The following DCC variants were observed in gnomAD, a reference collection of about 807,000 sequenced individuals.
DCC encodes DCC netrin 1 receptor.
In DCC, 58 loss-of-function variants were observed where a neutral mutation model predicts 172.5. That is an observed-to-expected ratio of 0.34 (90% CI 0.27 to 0.42). The LOEUF (loss-of-function observed/expected upper bound fraction) is 0.42. Ranked by LOEUF, DCC falls within the 10% of genes least tolerant of loss-of-function variation. DCC has a pLI of 1.00. For missense variants in DCC, 1,740 were observed against 1,791.0 expected (o/e 0.97, Z 0.51); for synonymous variants, 709 against 644.5 (o/e 1.10, Z -1.52).
At chr18:53,178,264 T>C (rs1404263414) in intron 8 of DCC, among the ~76,000 whole-genome samples, 2 of 152,210 alleles carry the variant, frequency 1.3e-5, no homozygotes, top group Non-Finnish European at 2.9e-5. Flanking sequence ...GCACTATAAA[T>C]GCAACCATGA....
chr18:52,541,694 A>G (rs948467609), intron 1 of DCC, among the ~76,000 whole-genome samples: 1 of 151,898 alleles, frequency 6.6e-6, no homozygotes, highest in Non-Finnish European at 1.5e-5. Context: ...AAGAAGCAGG[A>G]CTTGGCTTTT....
chr18:53,308,184 A>G (rs766747163), intron 13 of DCC, among the ~76,000 whole-genome samples: 8 of 151,624 alleles, frequency 5.3e-5, no homozygotes, highest in Non-Finnish European at 1.0e-4. Flanking sequence ...ACTCAGACAC[A>G]GTTGTATCTT....
intron 2 of DCC, among the ~76,000 whole-genome samples, chr18:52,855,841 C>A (rs2039045156): frequency 6.8e-6 from 1 of 147,380 alleles, no homozygotes; most frequent in Non-Finnish European, 1.5e-5. Context: ...TTTCGGCTCA[C>A]TGCAACCTCT....
intron 2 of DCC, among the ~76,000 whole-genome samples, chr18:52,888,080 T>G (rs2039594530): frequency 6.6e-6 from 1 of 152,222 alleles, no homozygotes; most frequent in African/African-American, 2.4e-5. Flanking sequence ...AAATCTCCTG[T>G]CCTTTGTTTT....
intron 7 of DCC, among the ~76,000 whole-genome samples, chr18:53,131,877 G>T (rs906507025): frequency 1.3e-5 from 2 of 148,862 alleles, no homozygotes; most frequent in African/African-American, 4.9e-5. Context: ...ATAAATCGGT[G>T]CAAATCAAAA....
intron 15 of DCC, among the ~76,000 whole-genome samples, chr18:53,369,376 T>G (rs1456839739): frequency 6.6e-6 from 1 of 151,916 alleles, no homozygotes; most frequent in African/African-American, 2.4e-5. Context: ...ACTGAAAAGT[T>G]ATATTTGCAA....
chr18:53,336,008 G>A (rs527238704), intron 14 of DCC, among the ~76,000 whole-genome samples: 3 of 152,092 alleles, frequency 2.0e-5, no homozygotes, highest in South Asian at 2.1e-4. Flanking sequence ...CCCACAACAC[G>A]TAGGAATTGT....
intron 3 of DCC, among the ~76,000 whole-genome samples, chr18:52,921,104 A>G (rs2040117507): frequency 6.6e-6 from 1 of 150,976 alleles, no homozygotes; most frequent in Non-Finnish European, 1.5e-5. Flanking sequence ...TAATACATAT[A>G]TATGACATGC....
intron 1 of DCC, among the ~76,000 whole-genome samples, chr18:52,738,258 G>A (rs1158412838): frequency 1.3e-5 from 2 of 152,132 alleles, no homozygotes; most frequent in Non-Finnish European, 2.9e-5. Context: ...TCTGAGAAAT[G>A]TATAGTTAGG....
At chr18:52,856,766 G>A (rs962040943) in intron 2 of DCC, among the ~76,000 whole-genome samples, 9 of 151,920 alleles carry the variant, frequency 5.9e-5, no homozygotes, top group Admixed American at 1.3e-4. Flanking sequence ...TGAAAAGCAT[G>A]TTAATAGCTT....
At chr18:53,517,707 T>G (rs553405789) in intron 27 of DCC, among the ~76,000 whole-genome samples, 1 of 152,030 alleles carries the variant, frequency 6.6e-6, no homozygotes, top group East Asian at 1.9e-4. Context: ...AGTGGTCAAA[T>G]AGGCTGTTTC....
chr18:52,666,468 T>C (rs1467371802), intron 1 of DCC, among the ~76,000 whole-genome samples: 1 of 152,206 alleles, frequency 6.6e-6, no homozygotes, highest in Non-Finnish European at 1.5e-5. Context: ...CTCTCTTAAA[T>C]AATTTGCTTT....
At position 52,411,220 on chromosome 18, in the gene DCC, G is replaced by A. The variant is rs142667204; in HGVS notation, c.91+70342G>A. Among the ~76,000 whole-genome samples the A allele has an allele frequency of 2.3e-3, 355 of 152,220 alleles. 5 individuals carry two copies. Among genetic ancestry groups the A allele is most frequent in the South Asian group, 0.017 (84 of 4,818 alleles). On this transcript the variant is annotated intron_variant, in intron 1 of 28. Coordinates refer to ENST00000442544, the MANE Select transcript of DCC (RefSeq NM_005215.4). ...AAGGCAGCTCCCTCAGATCTCTTCA[G>A]GATGACTTCCCAGTTAGTTTCAATT...
intron 12 of DCC, among the ~76,000 whole-genome samples, chr18:53,284,572 T>C (rs1398854542): frequency 4.6e-5 from 7 of 152,182 alleles, no homozygotes; most frequent in Non-Finnish European, 1.0e-4. Context: ...CTCTTTCTTT[T>C]GTAAATTGCC....
intron 12 of DCC, among the ~76,000 whole-genome samples, chr18:53,230,519 T>C (rs2056104564): frequency 6.6e-6 from 1 of 152,070 alleles, no homozygotes. Context: ...TTAATTTTCT[T>C]GATTCATTTA....
rs1568198430 is a variant in DCC at position 52,497,279 on chromosome 18, A to T, written c.91+156401A>T. Among the ~76,000 whole-genome samples, 336 of 38,102 alleles carry T rather than the reference A, an allele frequency of 8.8e-3. 19 individuals are homozygous for T. The highest frequency in any genetic ancestry group is 0.015 in the Middle Eastern group (1 of 68). The allele number at this position is 38,102 out of a possible 152,430, so 25.0% of individuals were successfully genotyped here. On this transcript the variant is annotated intron_variant, in intron 1 of 28. Coordinates refer to ENST00000442544, the MANE Select transcript of DCC (RefSeq NM_005215.4). ...CTGTATCAAAAAAAAAAAAAAAAAAAAATATATATATATATATATATATAT... is the reference window on the plus strand; with the variant it reads ...CTGTATCAAAAAAAAAAAAAAAAAATAATATATATATATATATATATATAT...
At chr18:52,904,560 G>T (rs911151577) in intron 2 of DCC, among the ~76,000 whole-genome samples, 1 of 152,168 alleles carries the variant, frequency 6.6e-6, no homozygotes, top group African/African-American at 2.4e-5. Flanking sequence ...AAAATTAATA[G>T]ACCCAAATTA....
chr18:53,320,189 C>T (rs1237862963), intron 13 of DCC, among the ~76,000 whole-genome samples: 1 of 150,860 alleles, frequency 6.6e-6, no homozygotes, highest in Non-Finnish European at 1.5e-5. Flanking sequence ...TCTCCTGCCT[C>T]AGCCTCCCGA....
intron 1 of DCC, among the ~76,000 whole-genome samples, chr18:52,746,112 T>C (rs2145122321): frequency 6.6e-6 from 1 of 152,352 alleles, no homozygotes; most frequent in East Asian, 1.9e-4. Context: ...GAAAGTAGAT[T>C]ATATTGCATC....
Sources: gnomAD v4.1 joint callset for allele counts (sites outside exome capture counted in the v4.1 genomes callset) on GRCh38, gnomAD v4.1.1 for gene constraint, MANE v1.5 for transcripts, NCBI Gene and HGNC (gene_info 2026-07-23, HGNC 2026-07-21) for gene names.